Variants in FNBP1 observed in about 807,000 individuals in gnomAD.
FNBP1 encodes the protein formin-binding protein 1.
FNBP1 carries 26 observed loss-of-function variants against 90.6 expected under a neutral mutation model. That is an observed-to-expected ratio of 0.29 (90% CI 0.21 to 0.40). FNBP1 has a LOEUF of 0.40. FNBP1 is among the 10% of genes least tolerant of loss of function. The probability of loss-of-function intolerance (pLI) is 1.00; values close to 1 mark genes in which losing one functional copy is unlikely to be tolerated. For synonymous variants in FNBP1, 260 were observed against 265.2 expected (o/e 0.98, Z 0.19); for missense variants, 635 against 768.0 (o/e 0.83, Z 2.05).
intron 1 of FNBP1, among the ~76,000 whole-genome samples, chr9:130,007,927 G>A (rs1589230207): frequency 6.6e-6 from 1 of 151,450 alleles, no homozygotes; most frequent in African/African-American, 2.4e-5. Context: ...GAACCTGGGA[G>A]GTGGAGGTTG....
At chr9:129,927,933 T>C (rs77275042) in intron 7 of FNBP1, among the ~76,000 whole-genome samples, 5,198 of 152,236 alleles carry the variant, frequency 0.034, 159 homozygotes, top group African/African-American at 0.078. Flanking sequence ...AATAGTTTTA[T>C]TACTAACACT....
At position 129,900,741 on chromosome 9, in the gene FNBP1, C is replaced by T. The variant is rs537279093; in HGVS notation, c.1429-194G>A. Reference sequence around the variant, plus strand: ...GCAGAATGGCCACGTTTTCTGCCTTCGACTGTTCAAATGTACTGAAGGACG... The same window carrying T: ...GCAGAATGGCCACGTTTTCTGCCTTTGACTGTTCAAATGTACTGAAGGACG... On this transcript the variant is annotated intron_variant, in intron 13 of 16. Coordinates refer to ENST00000446176, the MANE Select transcript of FNBP1 (RefSeq NM_015033.3). This position sits in a 1 kb window ranked among gnomAD's most constrained non-coding sequence, Gnocchi z 4.1. Among the ~76,000 whole-genome samples the T allele has an allele frequency of 8.2e-4, 125 of 152,356 alleles. No homozygotes were observed. The highest frequency in any genetic ancestry group is 2.8e-3 in the African/African-American group (118 of 41,574).
At position 129,890,579 on chromosome 9, in the gene FNBP1, C is replaced by T; in HGVS notation, c.1847-33G>A. The T allele has an allele frequency of 6.4e-7, 1 of 1,563,576 alleles. No homozygotes were observed. The highest frequency in any genetic ancestry group is 8.7e-7 in the Non-Finnish European group (1 of 1,152,710). ...ACAAAGAGAAACAGAAAGAGAAACTCTCTGTTAGAGAGGAAGGCGCGGGTT... is the reference window on the plus strand; with the variant it reads ...ACAAAGAGAAACAGAAAGAGAAACTTTCTGTTAGAGAGGAAGGCGCGGGTT... On this transcript the variant is annotated intron_variant, in intron 16 of 16. Transcript: ENST00000446176. The surrounding 1 kb of genome is among the most constrained non-coding windows in gnomAD (Gnocchi z 5.8).
upstream of FNBP1, chr9:130,044,825 T>G (rs1443705710): frequency 6.6e-6 from 1 of 152,066 alleles, no homozygotes; most frequent in Admixed American, 6.6e-5. Flanking sequence ...TAATCCCAGC[T>G]ACTCAGGAGG....
intron 12 of FNBP1, among the ~76,000 whole-genome samples, chr9:129,904,016 G>A (rs527315448): frequency 6.6e-6 from 1 of 152,160 alleles, no homozygotes; most frequent in South Asian, 2.1e-4. Flanking sequence ...CAGCCTGGGC[G>A]ACAGAGCAAG....
intron 1 of FNBP1, among the ~76,000 whole-genome samples, chr9:130,027,657 C>T (rs1231482083): frequency 6.6e-6 from 1 of 152,120 alleles, no homozygotes; most frequent in Non-Finnish European, 1.5e-5. Context: ...GAGGCCTCAG[C>T]TGGGAAGGCT....
chr9:129,950,732 AC>A (rs2046027298), intron 6 of FNBP1, among the ~76,000 whole-genome samples: 1 of 152,174 alleles, frequency 6.6e-6, no homozygotes, highest in South Asian at 2.1e-4. Flanking sequence ...GATCCACGAA[AC>A]ACACATTCAT....
chr9:130,017,807 G>A (rs568372234), intron 1 of FNBP1, among the ~76,000 whole-genome samples: 1 of 150,562 alleles, frequency 6.6e-6, no homozygotes, highest in East Asian at 2.0e-4. Flanking sequence ...TCCAGCCCGG[G>A]TGACAGAGTG....
At chr9:129,993,110 C>T (rs2053461031) in intron 2 of FNBP1, among the ~76,000 whole-genome samples, 1 of 150,212 alleles carries the variant, frequency 6.7e-6, no homozygotes, top group Admixed American at 6.6e-5. Context: ...GCCTGTAATC[C>T]CAGCTACTTG....
At chr9:129,899,297 T>C (rs559183440) in intron 15 of FNBP1, among the ~76,000 whole-genome samples, 2 of 152,106 alleles carry the variant, frequency 1.3e-5, no homozygotes, top group African/African-American at 4.8e-5. Context: ...AGGCTGGTCT[T>C]GAACTCCTGG....
intron 4 of FNBP1, among the ~76,000 whole-genome samples, chr9:129,958,987 A>G (rs1247182354): frequency 4.5e-5 from 6 of 132,740 alleles, no homozygotes; most frequent in Non-Finnish European, 9.8e-5. Context: ...CTCTGCCTCA[A>G]AAAAAAAAAA....
chr9:129,997,217 G>A (rs1408619210), intron 1 of FNBP1, among the ~76,000 whole-genome samples: 1 of 151,958 alleles, frequency 6.6e-6, no homozygotes, highest in Non-Finnish European at 1.5e-5. Context: ...CCAGCTACTC[G>A]GGAGTCTGAG....
In FNBP1 at chr9:129,957,273, G is replaced by T. The variant is rs2047097734; in HGVS notation, c.513+87C>A. 8 of 918,854 alleles carry T rather than the reference G, an allele frequency of 8.7e-6. No homozygotes were observed. In the East Asian group the frequency reaches 2.0e-4, roughly 23 times the overall value. The allele number at this position is 918,854 out of a possible 1,614,324, so 56.9% of individuals were successfully genotyped here. On this transcript the variant is annotated intron_variant, in intron 6 of 16. Coordinates refer to ENST00000446176, the MANE Select transcript of FNBP1 (RefSeq NM_015033.3). The surrounding 1 kb of genome is among the most constrained non-coding windows in gnomAD (Gnocchi z 4.3). ...GGCTGGTCTCGAACTCCTGGCCTCA[G>T]GTGATCCGCTCACCTCAGCCTCCCA...
At chr9:130,046,985 G>C (rs1223921183), upstream of FNBP1, among the ~76,000 whole-genome samples, 1 of 152,038 alleles carries the variant, frequency 6.6e-6, no homozygotes, top group Non-Finnish European at 1.5e-5. Context: ...CGTCAAAAAA[G>C]ACAGATCACA....
intron 8 of FNBP1, among the ~76,000 whole-genome samples, chr9:129,926,982 C>A (rs1049937247): frequency 3.3e-5 from 5 of 151,914 alleles, no homozygotes; most frequent in African/African-American, 1.2e-4. Flanking sequence ...GGAAATACTT[C>A]AATTCAATTC....
At chr9:129,968,732 T>C (rs1241077577) in intron 4 of FNBP1, among the ~76,000 whole-genome samples, 2 of 152,240 alleles carry the variant, frequency 1.3e-5, no homozygotes, top group African/African-American at 4.8e-5. Context: ...ATGTGGAGTC[T>C]GTAAGCATAC....
Position 129,915,996 on chromosome 9 carries a change from G to A in FNBP1, c.1171-16C>T. 1 of 1,596,434 alleles carries A rather than the reference G, an allele frequency of 6.3e-7. No individual in the cohort carries two copies. Among genetic ancestry groups the A allele is most frequent in the Non-Finnish European group, 8.6e-7 (1 of 1,164,900 alleles). On this transcript the variant is annotated splice_polypyrimidine_tract_variant and intron_variant, in intron 10 of 16. Coordinates refer to ENST00000446176, the MANE Select transcript of FNBP1 (RefSeq NM_015033.3). ...TGAGAGAAAGCTTCATGTAAAAATT[G>A]GAGAGGTATGGGAAAAATAGAGAGA...
At chr9:130,039,651 G>C (rs2059647405) in intron 1 of FNBP1, among the ~76,000 whole-genome samples, 1 of 148,166 alleles carries the variant, frequency 6.7e-6, no homozygotes, top group African/African-American at 2.5e-5. Context: ...ACTCCAGCCT[G>C]GGCAACAAGA....
At chr9:129,961,324 G>A (rs187980748) in intron 4 of FNBP1, among the ~76,000 whole-genome samples, 52 of 151,970 alleles carry the variant, frequency 3.4e-4, no homozygotes, top group Non-Finnish European at 6.2e-4. Context: ...AAAAACCCCC[G>A]AAAAACAAAC....
Sources: allele counts gnomAD v4.1 joint callset (sites outside exome capture counted in the v4.1 genomes callset), GRCh38; gene constraint gnomAD v4.1.1; non-coding constraint Gnocchi (gnomAD v3.1); transcripts MANE v1.5; gene names NCBI Gene and HGNC (gene_info 2026-07-23, HGNC 2026-07-21).